Variants in SLCO1A2 observed in about 807,000 individuals in gnomAD.
SLCO1A2 encodes solute carrier organic anion transporter family member 1A2.
Under a neutral mutation model 69.0 loss-of-function variants are expected in SLCO1A2, and 67 were observed. That is an observed-to-expected ratio of 0.97 (90% confidence interval 0.80 to 1.19). SLCO1A2 has a LOEUF of 1.19. Ranked by LOEUF, SLCO1A2 falls within the 50% of genes most tolerant of loss-of-function variation. The pLI, the probability that SLCO1A2 is intolerant of heterozygous loss-of-function variation, is 0.00. For missense variants in SLCO1A2, 787 were observed against 793.7 expected, an observed-to-expected ratio of 0.99 and a Z score of 0.10; for synonymous variants, 260 against 265.9, an observed-to-expected ratio of 0.98 and a Z score of 0.22.
chr12:21,270,800 C>T (rs992470912), intron 14 of SLCO1A2, among the ~76,000 whole-genome samples: 1 of 151,354 alleles, frequency 6.6e-6, no homozygotes, highest in Non-Finnish European at 1.5e-5. Flanking sequence ...GTTATAATAT[C>T]TGTACTTATA....
chr12:21,297,650 T>C, intron 8 of SLCO1A2, 82 bp from the exon 9 acceptor site: 1 of 866,016 alleles, frequency 1.2e-6, no homozygotes, highest in South Asian at 2.0e-5. Context: ...ATCCACCTCC[T>C]CAACAAATTA....
At chr12:21,306,205 T>A (rs1380831251) in intron 5 of SLCO1A2, among the ~76,000 whole-genome samples, 2 of 152,272 alleles carry the variant, frequency 1.3e-5, no homozygotes, top group Non-Finnish European at 2.9e-5. Flanking sequence ...TCTTGAACTT[T>A]GTTTCTGTCT....
chr12:21,291,145 A>G (rs1946779380), intron 12 of SLCO1A2, among the ~76,000 whole-genome samples: 1 of 152,208 alleles, frequency 6.6e-6, no homozygotes, highest in African/African-American at 2.4e-5. Context: ...ATTAGTCAAC[A>G]TCACAAAGTT....
chr12:21,312,039 GGAA>G (rs138980079), intron 4 of SLCO1A2, among the ~76,000 whole-genome samples: 18,738 of 150,220 alleles, frequency 0.12, 1,238 homozygotes, highest in Non-Finnish European at 0.15. Flanking sequence ...AAGAAGAAGA[GGAA>G]GAAGAAGAGG....
At chr12:21,393,309 C>T (rs969832989) in intron 1 of SLCO1A2, among the ~76,000 whole-genome samples, 3 of 152,100 alleles carry the variant, frequency 2.0e-5, no homozygotes, top group African/African-American at 7.2e-5. Context: ...TCCCCAAAAG[C>T]AATCTAGGTA....
intron 2 of SLCO1A2, among the ~76,000 whole-genome samples, chr12:21,357,812 C>T (rs1041859990): frequency 7.2e-5 from 11 of 152,094 alleles, no homozygotes; most frequent in African/African-American, 2.2e-4. Flanking sequence ...TTAAAAAATG[C>T]ATTTTCTTTT....
chr12:21,318,802 A>C lies in SLCO1A2; in HGVS notation c.182T>G (p.Ile61Ser). 1 of 1,598,394 alleles carries C rather than the reference A, an allele frequency of 6.3e-7. No individual in the cohort carries two copies. Among genetic ancestry groups the C allele is most frequent in the Non-Finnish European group, 8.5e-7 (1 of 1,175,936 alleles). ...ATTACCAATCTCAAAGCTTCCATTA[A>C]TGAATCCAACTAGAGATGTTGGGAT... ...FNIPTSLVGF[I>S]NGSFEIGNLL... Residue 61 changes from isoleucine to serine, a missense_variant, in exon 3 of 15, where the codon ATT (isoleucine) becomes AGT (serine). Physicochemically the swap from Ile to Ser is moderately radical, Grantham distance 142. Transcript: ENST00000683939.
At position 21,269,663 on chromosome 12, in the gene SLCO1A2, G is replaced by T; in HGVS notation, c.1898C>A (p.Ala633Asp). 6.2e-7 allele frequency: 1 copy of T among 1,612,438 alleles called. No homozygotes were observed. The highest frequency in any genetic ancestry group is 8.5e-7 in the Non-Finnish European group (1 of 1,178,948). Residue 633 changes from alanine to aspartate, a missense_variant, in exon 15 of 15, where the codon GCC (alanine) becomes GAC (aspartate). Physicochemically the swap from Ala to Asp is moderately radical, Grantham distance 126. Coordinates refer to ENST00000683939, the MANE Select transcript of SLCO1A2 (RefSeq NM_001386879.1). ...CTCTATAAGCTCTGTTCCTGAAGAG[G>T]CATTTTCACCAGGTAGATGACACTT... ...LRKCHLPGEN[A>D]SSGTELIETK... is the part of the protein sequence containing the mutation.
Position 21,267,361 on chromosome 12 carries a change from A to G in SLCO1A2, c.*2187T>C, listed in dbSNP as rs947499157. 1 of 152,130 alleles carries G rather than the reference A, an allele frequency of 6.6e-6. No individual in the cohort carries two copies. Among genetic ancestry groups the G allele is most frequent in the Non-Finnish European group, 1.5e-5 (1 of 68,046 alleles). 9.4% of individuals were successfully genotyped at this position (152,130 alleles called of 1,614,324 possible). A position where few individuals can be genotyped will look rare whatever the true frequency, so the allele number is the denominator to read the frequency against. ...TTCTCAGATCACCTCAAATCTATCAATAGGGATGATGAATGGGCCTCAGGA... is the reference window on the plus strand; with the variant it reads ...TTCTCAGATCACCTCAAATCTATCAGTAGGGATGATGAATGGGCCTCAGGA... On this transcript the variant is annotated 3_prime_UTR_variant, in exon 15 of 15. Coordinates refer to ENST00000683939, the MANE Select transcript of SLCO1A2 (RefSeq NM_001386879.1).
chr12:21,351,376 A>T (rs893161008), intron 2 of SLCO1A2, among the ~76,000 whole-genome samples: 8 of 152,214 alleles, frequency 5.3e-5, no homozygotes, highest in Non-Finnish European at 1.2e-4. Context: ...CCTGTTAAAG[A>T]AAAATCTCCA....
chr12:21,380,180 TATA>T (rs1454226976), intron 1 of SLCO1A2, among the ~76,000 whole-genome samples: 3 of 152,190 alleles, frequency 2.0e-5, no homozygotes, highest in Non-Finnish European at 4.4e-5. Context: ...TATGTCAAGT[TATA>T]ATATCAACAT....
intron 12 of SLCO1A2, among the ~76,000 whole-genome samples, chr12:21,278,007 G>C (rs1424051253): frequency 6.6e-6 from 1 of 152,108 alleles, no homozygotes; most frequent in Non-Finnish European, 1.5e-5. Flanking sequence ...GGCCAGAGGA[G>C]AGCTAACTGC....
At chr12:21,346,154 A>G (rs1168778428) in intron 2 of SLCO1A2, among the ~76,000 whole-genome samples, 2 of 128,436 alleles carry the variant, frequency 1.6e-5, no homozygotes, top group Non-Finnish European at 3.2e-5. Context: ...TATATTCAAG[A>G]AAAAAACCAT....
rs76887781 is a variant in SLCO1A2 at position 21,313,296 on chromosome 12, C to T, written c.335+1253G>A. On this transcript the variant is annotated intron_variant, in intron 4 of 14. Transcript: ENST00000683939. ...TTGGAAAAATGATTCTAATCTTCAA[C>T]GTAGGGTTGCAATAAACCTTCAATT... Among the ~76,000 whole-genome samples, 59 of 152,280 alleles carry T rather than the reference C, an allele frequency of 3.9e-4. 1 individual carries two copies. Among genetic ancestry groups the T allele is most frequent in the African/African-American group, 1.3e-3 (56 of 41,558 alleles).
At chr12:21,297,590 T>G (rs1947926489) in intron 8 of SLCO1A2, 22 bp from the exon 9 acceptor site, 1 of 1,509,624 alleles carries the variant, frequency 6.6e-7, no homozygotes. Context: ...GAATGACAAC[T>G]GTGTCAAACG....
At chr12:21,368,617 G>A (rs1425185719) in intron 2 of SLCO1A2, among the ~76,000 whole-genome samples, 1 of 152,066 alleles carries the variant, frequency 6.6e-6, no homozygotes, top group African/African-American at 2.4e-5. Flanking sequence ...ACTAAAAAAT[G>A]TACAGTTAAA....
At chr12:21,404,545 G>T (rs1201585602) in intron 1 of SLCO1A2, among the ~76,000 whole-genome samples, 1 of 152,126 alleles carries the variant, frequency 6.6e-6, no homozygotes, top group Non-Finnish European at 1.5e-5. Context: ...CTCCATCCAT[G>T]TCCCTGCAAA....
intron 6 of SLCO1A2, among the ~76,000 whole-genome samples, chr12:21,303,422 T>C (rs1176422417): frequency 6.6e-6 from 1 of 152,128 alleles, no homozygotes; most frequent in Non-Finnish European, 1.5e-5. Context: ...AATTAATGAG[T>C]TGCCAAAATG....
chr12:21,318,206 C>T (rs529896180), intron 3 of SLCO1A2, among the ~76,000 whole-genome samples: 1 of 151,976 alleles, frequency 6.6e-6, no homozygotes, highest in South Asian at 2.1e-4. Context: ...GCAAGCTCCG[C>T]CTCTCGGGTT....
Sources: allele counts gnomAD v4.1 joint callset (sites outside exome capture counted in the v4.1 genomes callset), GRCh38; gene constraint gnomAD v4.1.1; transcripts MANE v1.5; gene names NCBI Gene and HGNC (gene_info 2026-07-23, HGNC 2026-07-21).